PAK1: variants seen among roughly 807,000 people sequenced by gnomAD.
The protein encoded by PAK1 is serine/threonine-protein kinase PAK 1.
Under a neutral mutation model 67.4 loss-of-function variants are expected in PAK1, and 29 were observed. That is an observed-to-expected ratio of 0.43 (90% CI 0.32 to 0.59). PAK1 has a LOEUF of 0.59. PAK1 is among the 20% of genes least tolerant of loss of function. The probability of loss-of-function intolerance (pLI) is 0.07; values close to 1 mark genes in which losing one functional copy is unlikely to be tolerated. For missense variants in PAK1, 337 were observed against 670.7 expected (o/e 0.50, Z 5.50); for synonymous variants, 223 against 237.4 (o/e 0.94, Z 0.56).
the PAK1 span, among the ~76,000 whole-genome samples, chr11:77,521,680 T>G: frequency 7.9e-5 from 12 of 152,238 alleles, no homozygotes; most frequent in Non-Finnish European, 1.5e-4. Context: ...TGGTGATAGT[T>G]ATGCTTGCCA....
intron 1 of PAK1, among the ~76,000 whole-genome samples, chr11:77,428,304 C>A (rs904233746): frequency 1.3e-5 from 2 of 152,106 alleles, no homozygotes; most frequent in African/African-American, 4.8e-5. Flanking sequence ...TGGCTCACAC[C>A]TGTAATCCCA....
chr11:77,446,254 G>A (rs1273138438), intron 1 of PAK1, among the ~76,000 whole-genome samples: 2 of 152,180 alleles, frequency 1.3e-5, no homozygotes, highest in African/African-American at 2.4e-5. Flanking sequence ...GCTCACACCT[G>A]TAATCCCAGC....
intron 5 of PAK1, among the ~76,000 whole-genome samples, chr11:77,359,968 AAGACTGTGAT>A (rs1029828174): frequency 1.4e-4 from 21 of 152,120 alleles, no homozygotes; most frequent in Non-Finnish European, 2.4e-4. Flanking sequence ...TGTGCTCAGT[AAGACTGTGAT>A]AGGTACTGTT....
intron 1 of PAK1, among the ~76,000 whole-genome samples, chr11:77,413,402 T>G (rs1954757281): frequency 6.6e-6 from 1 of 152,118 alleles, no homozygotes; most frequent in Admixed American, 6.6e-5. Context: ...GCAGCAGAAC[T>G]TGGTGGAAAA....
At chr11:77,356,732 A>C (rs1366531471) in intron 6 of PAK1, among the ~76,000 whole-genome samples, 19 of 152,156 alleles carry the variant, frequency 1.2e-4, no homozygotes, top group Admixed American at 1.2e-3. Context: ...ACATTTACTG[A>C]GAATCTATTT....
chr11:77,364,704 C>T (rs1005540342), intron 5 of PAK1, among the ~76,000 whole-genome samples: 3 of 152,218 alleles, frequency 2.0e-5, no homozygotes, highest in South Asian at 2.1e-4. Context: ...AAGCAATCAA[C>T]AGGAACTCTG....
At chr11:77,390,530 TCTGTCACCCAGG>T (rs1209491738) in intron 2 of PAK1, among the ~76,000 whole-genome samples, 1 of 150,008 alleles carries the variant, frequency 6.7e-6, no homozygotes, top group Non-Finnish European at 1.5e-5. Context: ...AGGATCTCAC[TCTGTCACCCAGG>T]CTGGAGTGCA....
chr11:77,451,515 C>T (rs571917210), intron 1 of PAK1, among the ~76,000 whole-genome samples: 2 of 152,306 alleles, frequency 1.3e-5, no homozygotes, highest in Admixed American at 6.5e-5. Context: ...TCTTTGCATC[C>T]TCATTTCCTT....
chr11:77,367,944 A>T (rs780040232), intron 5 of PAK1, among the ~76,000 whole-genome samples: 3 of 152,216 alleles, frequency 2.0e-5, no homozygotes, highest in Non-Finnish European at 4.4e-5. Flanking sequence ...ACGCCGCTGC[A>T]CTCCAGCCTG....
intron 9 of PAK1, among the ~76,000 whole-genome samples, chr11:77,348,970 C>T (rs1171090040): frequency 6.6e-6 from 1 of 151,774 alleles, no homozygotes; most frequent in African/African-American, 2.4e-5. Context: ...CTAAAAAATA[C>T]AAAAATTAGC....
chr11:77,413,734 A>G (rs974830340), intron 1 of PAK1, among the ~76,000 whole-genome samples: 6 of 151,818 alleles, frequency 4.0e-5, no homozygotes, highest in Non-Finnish European at 8.8e-5. Flanking sequence ...GGAAGGAAGA[A>G]AAGAAAGAAA....
chr11:77,490,475 C>A, the PAK1 span, among the ~76,000 whole-genome samples: 1 of 149,594 alleles, frequency 6.7e-6, no homozygotes, highest in Non-Finnish European at 1.5e-5. Flanking sequence ...CAGCCCCCCG[C>A]CCGGCCAGCC....
chr11:77,496,072 G>A, the PAK1 span, among the ~76,000 whole-genome samples: 4 of 149,314 alleles, frequency 2.7e-5, no homozygotes, highest in Non-Finnish European at 5.9e-5. Flanking sequence ...AGGCTGGAGT[G>A]CAGTGGCACC....
At chr11:77,397,993 T>C (rs114158649) in intron 1 of PAK1, among the ~76,000 whole-genome samples, 4 of 152,282 alleles carry the variant, frequency 2.6e-5, no homozygotes, top group African/African-American at 4.8e-5. Context: ...TGTGGGCACA[T>C]AGTAGTTGTA....
chr11:77,426,746 T>C (rs1396522340), intron 1 of PAK1, among the ~76,000 whole-genome samples: 1 of 151,506 alleles, frequency 6.6e-6, no homozygotes, highest in African/African-American at 2.4e-5. Flanking sequence ...GAGGCAAAAA[T>C]TGAATCTGTA....
At chr11:77,467,356 G>A (rs1436981238) in intron 1 of PAK1, among the ~76,000 whole-genome samples, 2 of 152,128 alleles carry the variant, frequency 1.3e-5, no homozygotes, top group African/African-American at 4.8e-5. Flanking sequence ...AATTGTCTAT[G>A]CACATGTCTG....
chr11:77,483,092 G>C, the PAK1 span, among the ~76,000 whole-genome samples: 1 of 151,918 alleles, frequency 6.6e-6, no homozygotes, highest in African/African-American at 2.4e-5. Context: ...AGCTACTCAG[G>C]AGGCTGAGGC....
chr11:77,491,976 A>G, the PAK1 span, among the ~76,000 whole-genome samples: 13 of 152,272 alleles, frequency 8.5e-5, no homozygotes, highest in African/African-American at 3.1e-4. Context: ...ACATACACTG[A>G]CAACAAAGGG....
At chr11:77,423,572 C>G (rs1288506336) in intron 1 of PAK1, among the ~76,000 whole-genome samples, 1 of 151,986 alleles carries the variant, frequency 6.6e-6, no homozygotes, top group Non-Finnish European at 1.5e-5. Context: ...GAAGCCAAAA[C>G]CAAAATTTAA....
Sources: gnomAD v4.1 joint callset for allele counts (sites outside exome capture counted in the v4.1 genomes callset) on GRCh38, gnomAD v4.1.1 for gene constraint, MANE v1.5 for transcripts, NCBI Gene and HGNC (gene_info 2026-07-23, HGNC 2026-07-21) for gene names.